ERRFI1: variants seen among roughly 807,000 people sequenced by gnomAD.
ERRFI1 encodes ERBB receptor feedback inhibitor 1, also known as mitogen-inducible gene 6 protein.
ERRFI1 carries 12 observed loss-of-function variants against 14.6 expected under a neutral mutation model. The observed-to-expected ratio is 0.82, with a 90% CI of 0.53 to 1.33. The LOEUF is 1.33. ERRFI1 is among the 40% of genes most tolerant of loss of function. The pLI is 0.00. For synonymous variants in ERRFI1, 202 were observed against 209.9 expected, an observed-to-expected ratio of 0.96 and a Z score of 0.32; for missense variants, 482 against 572.1, an observed-to-expected ratio of 0.84 and a Z score of 1.61.
In ERRFI1 at chr1:8,025,191, C is replaced by G. The variant is rs554990664; in HGVS notation, c.-74+967G>C. Among the ~76,000 whole-genome samples, 17 of 152,288 alleles carry G rather than the reference C, an allele frequency of 1.1e-4. No homozygotes were observed. In the South Asian group the frequency reaches 3.1e-3, roughly 28 times the overall value. ...CTGACTTAAGTTTATGACTAACCAT[C>G]TATTCATATTTTTATCAGGTAAGAG... On this transcript the variant is annotated intron_variant, in intron 1 of 3. Transcript: ENST00000377482.
chr1:8,014,587 G>A, intron 3 of ERRFI1, 191 bp from the exon 4 acceptor site: 1 of 580,662 alleles, frequency 1.7e-6, no homozygotes, highest in Non-Finnish European at 3.0e-6. Context: ...TAACGCACAT[G>A]GTGTGGTTCA....
intron 1 of ERRFI1, among the ~76,000 whole-genome samples, chr1:8,020,086 A>G (rs1032290932): frequency 2.0e-5 from 3 of 151,994 alleles, no homozygotes; most frequent in South Asian, 2.1e-4. Flanking sequence ...AAAAAAAAAA[A>G]AAAAGAAAAA....
chr1:8,021,426 G>A (rs1641272762), intron 1 of ERRFI1, among the ~76,000 whole-genome samples: 1 of 152,174 alleles, frequency 6.6e-6, no homozygotes, highest in African/African-American at 2.4e-5. Flanking sequence ...CTCCTACAGA[G>A]TAGCACAATC....
chr1:8,016,213 C>G (rs1202195147), intron 1 of ERRFI1, among the ~76,000 whole-genome samples: 1 of 152,172 alleles, frequency 6.6e-6, no homozygotes, highest in African/African-American at 2.4e-5. Context: ...CCTGACTACC[C>G]CAGGGTCTAG....
At chr1:8,016,832 GC>G (rs900053862) in intron 1 of ERRFI1, among the ~76,000 whole-genome samples, 3 of 151,894 alleles carry the variant, frequency 2.0e-5, no homozygotes, top group African/African-American at 7.3e-5. Flanking sequence ...ACAGCTGAGT[GC>G]TGGGCACTGT....
At chr1:8,022,396 A>G (rs1641285762) in intron 1 of ERRFI1, among the ~76,000 whole-genome samples, 2 of 152,218 alleles carry the variant, frequency 1.3e-5, no homozygotes, top group Admixed American at 6.5e-5. Context: ...AGCATACCTT[A>G]TATTTGTAAA....
At chr1:8,015,143 A>G in intron 3 of ERRFI1, 165 bp downstream of exon 3, 1 of 628,326 alleles carries the variant, frequency 1.6e-6, no homozygotes, top group South Asian at 2.0e-5. Context: ...CAATAGCTTG[A>G]GAAAAACACA....
rs1429243281 is a variant in ERRFI1, at chr1:8,014,542, A to G, written c.203-146T>C. On this transcript the variant is annotated intron_variant, in intron 3 of 3. Coordinates refer to ENST00000377482, the MANE Select transcript of ERRFI1 (RefSeq NM_018948.4). ...CTGTCACCCCGAGAACACCCATGCA[A>G]CCACCACAGGTGTAATTAGAGAGCA... 4.4e-6 allele frequency: 3 copies of G among 689,508 alleles called. No homozygotes were observed. In the East Asian group the frequency reaches 8.1e-5, roughly 19 times the overall value. The allele number at this position is 689,508 out of a possible 1,614,324, so 42.7% of individuals were successfully genotyped here.
chr1:8,023,880 T>C (rs1175481739), intron 1 of ERRFI1, among the ~76,000 whole-genome samples: 1 of 152,182 alleles, frequency 6.6e-6, no homozygotes, highest in East Asian at 1.9e-4. Context: ...CTGGACTGCG[T>C]TTATGTAGCG....
intron 1 of ERRFI1, among the ~76,000 whole-genome samples, chr1:8,019,583 A>T (rs1275430866): frequency 6.6e-6 from 1 of 152,214 alleles, no homozygotes; most frequent in East Asian, 1.9e-4. Context: ...ATACTGAGAA[A>T]ATATCCATCT....
At chr1:8,025,209 G>A (rs538192974) in intron 1 of ERRFI1, among the ~76,000 whole-genome samples, 3 of 152,182 alleles carry the variant, frequency 2.0e-5, no homozygotes, top group South Asian at 2.1e-4. Context: ...ATTTTTATCA[G>A]GTAAGAGACT....
At chr1:8,014,468 CAGCTA>C in intron 3 of ERRFI1, 72 bp from the exon 4 acceptor site, 1 of 1,396,726 alleles carries the variant, frequency 7.2e-7, no homozygotes. Context: ...GAGAGCACCC[CAGCTA>C]CCTATGCTTC....
chr1:8,026,278 GC>G lies in ERRFI1; in HGVS notation c.-195del, dbSNP rs1445226650. The G allele has an allele frequency of 3.9e-5, 6 of 153,028 alleles. No homozygotes were observed. Among genetic ancestry groups the G allele is most frequent in the Admixed American group, 2.0e-4 (3 of 15,274 alleles). The allele number at this position is 153,028 out of a possible 1,614,324, so 9.5% of individuals were successfully genotyped here. ...GCGCCTCTTGCTGGCTCGCGCTCCC[GC>G]TAGCACTCTGCCTCGCACCGGACCG... On this transcript the variant is annotated 5_prime_UTR_variant, in exon 1 of 4. Coordinates refer to ENST00000377482, the MANE Select transcript of ERRFI1 (RefSeq NM_018948.4).
chr1:8,014,085 C>T lies in ERRFI1; in HGVS notation c.514G>A (p.Glu172Lys), dbSNP rs1641134985. 1 of 1,614,140 alleles carries T rather than the reference C, an allele frequency of 6.2e-7. No homozygotes were observed. Among genetic ancestry groups the T allele is most frequent in the Non-Finnish European group, 8.5e-7 (1 of 1,180,028 alleles). The change falls in exon 4 of 4, where the codon GAA (glutamate) becomes AAA (lysine). Residue 172 changes from glutamate to lysine, a missense_variant. Physicochemically the swap from Glu to Lys is moderately conservative, Grantham distance 56. Coordinates refer to ENST00000377482, the MANE Select transcript of ERRFI1 (RefSeq NM_018948.4). ...LSLDDTDCEVEFLTSSDTDFL... is the reference protein window; with the variant it reads ...LSLDDTDCEVKFLTSSDTDFL... ...TCTGTATCTGAGCTAGTTAGGAATT[C>T]CACCTCACAGTCTGTGTCATCCAGA...
intron 1 of ERRFI1, 50 bp from the exon 2 acceptor site, chr1:8,015,742 T>TC (rs1641164624): frequency 1.6e-6 from 2 of 1,228,836 alleles, no homozygotes; most frequent in East Asian, 4.7e-5. Context: ...CAGAAATACC[T>TC]CCATTAGGAC....
At chr1:8,018,942 T>A (rs1557466517) in intron 1 of ERRFI1, among the ~76,000 whole-genome samples, 1 of 152,146 alleles carries the variant, frequency 6.6e-6, no homozygotes, top group Non-Finnish European at 1.5e-5. Flanking sequence ...CCCTCTGGCA[T>A]CTCAAACTCT....
At chr1:8,019,199 C>T (rs1267667695) in intron 1 of ERRFI1, among the ~76,000 whole-genome samples, 1 of 152,168 alleles carries the variant, frequency 6.6e-6, no homozygotes, top group East Asian at 1.9e-4. Context: ...GTCAATATTC[C>T]TTAACAACAG....
chr1:8,017,008 C>CT (rs1336233198), intron 1 of ERRFI1, among the ~76,000 whole-genome samples: 2 of 151,874 alleles, frequency 1.3e-5, no homozygotes, highest in African/African-American at 4.8e-5. Context: ...TCTCAATCAC[C>CT]TTTTAACAAT....
rs1157556540 is a variant in ERRFI1 at position 8,011,774 on chromosome 1, AAAT to A, written c.*1433_*1435del. 2 of 199,922 alleles carry A rather than the reference AAAT, an allele frequency of 1.0e-5. No individual in the cohort carries two copies. The highest frequency in any genetic ancestry group is 7.8e-5 in the East Asian group (1 of 12,824). 12.4% of individuals were successfully genotyped at this position (199,922 alleles called of 1,614,324 possible). A position where few individuals can be genotyped will look rare whatever the true frequency, so the allele number is the denominator to read the frequency against. On this transcript the variant is annotated 3_prime_UTR_variant, in exon 4 of 4. Transcript: ENST00000377482. ...TATTAAAATGAAAAGACAATATTCA[AAAT>A]AATGCAACAAAATGAATAAAATCCT...
Sources: allele counts gnomAD v4.1 joint callset (sites outside exome capture counted in the v4.1 genomes callset), GRCh38; gene constraint gnomAD v4.1.1; transcripts MANE v1.5; gene names NCBI Gene and HGNC (gene_info 2026-07-23, HGNC 2026-07-21).